NEB: variants seen among roughly 807,000 people sequenced by gnomAD.
NEB encodes nebulin.
NEB carries 512 observed loss-of-function variants against 952.2 expected under a neutral mutation model. That is an observed-to-expected ratio of 0.54 (90% CI 0.50 to 0.58). The LOEUF (loss-of-function observed/expected upper bound fraction) is 0.58, where lower values mean the gene tolerates loss of function less well. NEB is among the 20% of genes least tolerant of loss of function. NEB has a pLI of 0.00. For synonymous variants in NEB, 2,900 were observed against 3,149.8 expected (o/e 0.92, Z 2.66); for missense variants, 8,428 against 9,231.1 (o/e 0.91, Z 3.56).
intron 6 of NEB, 35 bp downstream of exon 6, chr2:151,725,418 A>G (rs749988845): frequency 1.2e-5 from 19 of 1,537,014 alleles, no homozygotes; most frequent in Non-Finnish European, 1.7e-5. Context: ...GTATTTTGAA[A>G]TGTCCCTCTC....
At chr2:151,651,700 T>A (rs773176163) in intron 52 of NEB, among the ~76,000 whole-genome samples, 130 of 152,222 alleles carry the variant, frequency 8.5e-4, no homozygotes, top group Non-Finnish European at 8.7e-4. Context: ...ACAACAGTGA[T>A]AATAATGAGT....
chr2:151,571,131 G>A (rs1437032729), intron 107 of NEB, among the ~76,000 whole-genome samples: 1 of 152,024 alleles, frequency 6.6e-6, no homozygotes, highest in African/African-American at 2.4e-5. Context: ...TCAGCCTCCC[G>A]AGTAGCTGGG....
rs1307571584 is a variant in NEB at position 151,687,529 on chromosome 2, T to C, written c.2527A>G (p.Met843Val). The C allele has an allele frequency of 6.2e-7, 1 of 1,613,350 alleles. No homozygotes were observed. The highest frequency in any genetic ancestry group is 8.5e-7 in the Non-Finnish European group (1 of 1,179,446). Residue 843 changes from methionine to valine, a missense_variant, in exon 27 of 182, where the codon ATG (methionine) becomes GTG (valine). Coordinates refer to ENST00000397345, the MANE Select transcript of NEB (RefSeq NM_001164508.2). The stretch of plus-strand genomic sequence containing the variant: ...CTCTTTTCATAGTCTTTCTTGTACA[T>C]CACCTGCAAAGACATCACACATGCC... ...KANTKNTSDVMYKKDYEKSKG... is the reference protein window; with the variant it reads ...KANTKNTSDVVYKKDYEKSKG...
chr2:151,717,563 G>A, intron 9 of NEB, 43 bp from the exon 10 acceptor site: 2 of 1,387,938 alleles, frequency 1.4e-6, no homozygotes, highest in Non-Finnish European at 2.0e-6. Flanking sequence ...AAACGATTAT[G>A]CTTTCATCTT....
rs1395739890 is a variant in NEB at position 151,626,945 on chromosome 2, T to C, written c.10347+57A>G. ...AAAAAGAGACTAACTTAATTAACAA[T>C]AGGTATCTTGAATGACATATAGCCC... On this transcript the variant is annotated intron_variant, in intron 70 of 181. Coordinates refer to ENST00000397345, the MANE Select transcript of NEB (RefSeq NM_001164508.2). The C allele has an allele frequency of 7.6e-6, 12 of 1,572,026 alleles. 1 individual carries two copies. In the South Asian group the frequency reaches 1.3e-4, roughly 18 times the overall value.
chr2:151,502,969 A>G, intron 166 of NEB, 84 bp from the exon 167 acceptor site: 2 of 789,794 alleles, frequency 2.5e-6, no homozygotes, highest in Non-Finnish European at 4.2e-6. Context: ...AAGGGGTTAT[A>G]TGTGAGGAGG....
intron 21 of NEB, 23 bp downstream of exon 21, chr2:151,692,238 A>G: frequency 3.7e-6 from 6 of 1,608,562 alleles, no homozygotes; most frequent in Non-Finnish European, 3.4e-6. Context: ...TCCTACCCGA[A>G]AGGTAACCGT....
intron 27 of NEB, 144 bp from the exon 28 acceptor site, chr2:151,685,119 G>A (rs2148851620): frequency 1.2e-6 from 1 of 823,018 alleles, no homozygotes; most frequent in Non-Finnish European, 1.9e-6. Flanking sequence ...GTGTTCATAT[G>A]TTACATACCA....
intron 22 of NEB, 34 bp downstream of exon 22, chr2:151,692,025 A>C (rs745483038): frequency 2.3e-5 from 37 of 1,606,454 alleles, no homozygotes; most frequent in Non-Finnish European, 2.9e-5. Flanking sequence ...AAACAATGTC[A>C]CTGTGAGGCA....
intron 145 of NEB, among the ~76,000 whole-genome samples, chr2:151,530,479 A>G (rs959605611): frequency 6.6e-6 from 1 of 152,182 alleles, no homozygotes; most frequent in Non-Finnish European, 1.5e-5. Context: ...AGGGAGCCAT[A>G]GTGGGGTTTA....
At chr2:151,577,331 C>T (rs2096909667) in intron 105 of NEB, among the ~76,000 whole-genome samples, 1 of 152,190 alleles carries the variant, frequency 6.6e-6, no homozygotes, top group African/African-American at 2.4e-5. Context: ...CACAGCCTGT[C>T]TTTCAATTCG....
intron 38 of NEB, among the ~76,000 whole-genome samples, chr2:151,670,033 G>A (rs921478336): frequency 4.6e-5 from 7 of 152,174 alleles, no homozygotes; most frequent in African/African-American, 1.7e-4. Context: ...GAGTAACGAG[G>A]TAGATGTTGA....
At chr2:151,654,440 A>G (rs75291571) in intron 51 of NEB, among the ~76,000 whole-genome samples, 1,542 of 152,328 alleles carry the variant, frequency 0.01, 35 homozygotes, top group African/African-American at 0.034. Flanking sequence ...GAAGATAGAT[A>G]TTAAGATAAT....
intron 75 of NEB, among the ~76,000 whole-genome samples, chr2:151,617,103 G>A (rs958416453): frequency 1.3e-5 from 2 of 152,200 alleles, no homozygotes; most frequent in Non-Finnish European, 2.9e-5. Context: ...GTGACCTGTA[G>A]GGGAAGGTTT....
rs188004000 is a variant in NEB at position 151,524,587 on chromosome 2, G to T, written c.22302C>A (p.Asn7434Lys). The change falls in exon 152 of 182, where the codon AAC (asparagine) becomes AAA (lysine). Residue 7434 changes from asparagine (N) to lysine (K), a missense_variant. By Grantham distance (94) the Asn-to-Lys change is moderately conservative (BLOSUM62 0). Around this residue, in one of 11 missense-constraint regions of NEB, gnomAD observed 3,374 missense variants for 3,651.5 expected, o/e 0.92. Coordinates refer to ENST00000397345, the MANE Select transcript of NEB (RefSeq NM_001164508.2). ...DVAYRKDAKE[N>K]LHYTTVADRP... ...GATCAGCCACTGTGGTGTAATGCAGGTTCTCTTTGGCATCTTTTCTGTAAG... is the reference window on the plus strand; with the variant it reads ...GATCAGCCACTGTGGTGTAATGCAGTTTCTCTTTGGCATCTTTTCTGTAAG... 4 of 1,601,608 alleles carry T rather than the reference G, an allele frequency of 2.5e-6. No homozygotes were observed. Among genetic ancestry groups the T allele is most frequent in the Admixed American group, 1.7e-5 (1 of 59,406 alleles).
chr2:151,621,249 A>G (rs946057159), intron 71 of NEB, among the ~76,000 whole-genome samples: 14 of 152,196 alleles, frequency 9.2e-5, no homozygotes, highest in African/African-American at 3.1e-4. Context: ...CTCTTTGCAC[A>G]AATCTTTTAC....
In NEB at chr2:151,717,632, C is replaced by G. The variant is rs77560924; in HGVS notation, c.718-112G>C. On this transcript the variant is annotated intron_variant, in intron 9 of 181. Coordinates refer to ENST00000397345, the MANE Select transcript of NEB (RefSeq NM_001164508.2). Reference sequence around the variant, plus strand: ...ATAATTTGTCCTAGATGTTACATACCATTGCTCTCAGTACTGCTAGTGATT... The same window carrying G: ...ATAATTTGTCCTAGATGTTACATACGATTGCTCTCAGTACTGCTAGTGATT... The G allele has an allele frequency of 6.3e-6, 5 of 790,490 alleles. No individual in the cohort carries two copies. The African/African-American group carries it at 8.7e-5, about 14-fold the overall frequency. The allele number at this position is 790,490 out of a possible 1,614,324, so 49.0% of individuals were successfully genotyped here.
At chr2:151,667,614 A>T (rs544771331) in intron 40 of NEB, among the ~76,000 whole-genome samples, 190 bp downstream of exon 40, 1 of 152,110 alleles carries the variant, frequency 6.6e-6, no homozygotes, top group African/African-American at 2.4e-5. Context: ...TGCAGCTTCA[A>T]ACTCCTGGGT....
At position 151,499,547 on chromosome 2, in the gene NEB, A is replaced by G. The variant is rs186945674; in HGVS notation, c.24022-157T>C. 1.2e-5 allele frequency: 6 copies of G among 518,454 alleles called. No homozygotes were observed. The Admixed American group carries it at 1.5e-4, about 13-fold the overall frequency. The allele number at this position is 518,454 out of a possible 1,614,324, so 32.1% of individuals were successfully genotyped here. ...TGTTCAGGCACAGATCTGGGTGAGA[A>G]CATGTTTTGTATTTCCTTAGTGAAA... On this transcript the variant is annotated intron_variant, in intron 168 of 181. Transcript: ENST00000397345.
Sources: gnomAD v4.1 joint callset for allele counts (sites outside exome capture counted in the v4.1 genomes callset) on GRCh38, gnomAD v4.1.1 for gene constraint, gnomAD v4.1.1 regional missense constraint, MANE v1.5 for transcripts, NCBI Gene and HGNC (gene_info 2026-07-23, HGNC 2026-07-21) for gene names.